Variants in NASP observed in about 807,000 individuals in gnomAD.
NASP encodes the protein NASP histone chaperone.
In NASP, 24 loss-of-function variants were observed where a neutral mutation model predicts 89.5. The observed-to-expected ratio is 0.27, with a 90% CI of 0.19 to 0.38. NASP has a LOEUF of 0.38. Ranked by LOEUF, NASP falls within the 10% of genes least tolerant of loss-of-function variation. The pLI is 1.00. For missense variants in NASP, 848 were observed against 921.4 expected, an observed-to-expected ratio of 0.92 and a Z score of 1.03; for synonymous variants, 306 against 324.7, an observed-to-expected ratio of 0.94 and a Z score of 0.62.
chr1:45,586,143 TATGTGCTGG>T (rs929187852), intron 1 of NASP, among the ~76,000 whole-genome samples: 1 of 151,546 alleles, frequency 6.6e-6, no homozygotes, highest in Non-Finnish European at 1.5e-5. Context: ...TGAGCAATTA[TATGTGCTGG>T]GTGTGTGGGG....
In NASP at chr1:45,607,143, C is replaced by G. The variant is rs907067565; in HGVS notation, c.410-178C>G. 4.7e-6 allele frequency: 3 copies of G among 636,272 alleles called. No individual in the cohort carries two copies. In the Admixed American group the frequency reaches 9.1e-5, roughly 19 times the overall value. The allele number at this position is 636,272 out of a possible 1,614,324, so 39.4% of individuals were successfully genotyped here. On this transcript the variant is annotated intron_variant, in intron 5 of 14. Transcript: ENST00000350030. ...CTTGGGTTTCTTTTGCAGTAAGTTGCTCTGCTAGCCGGGATGCTCCCTTTC... is the reference window on the plus strand; with the variant it reads ...CTTGGGTTTCTTTTGCAGTAAGTTGGTCTGCTAGCCGGGATGCTCCCTTTC...
At position 45,584,067 on chromosome 1, in the gene NASP, A is replaced by T; in HGVS notation, c.-80A>T. 1 of 1,354,244 alleles carries T rather than the reference A, an allele frequency of 7.4e-7. No homozygotes were observed. The highest frequency in any genetic ancestry group is 1.0e-6 in the Non-Finnish European group (1 of 973,802). The allele number at this position is 1,354,244 out of a possible 1,614,324, so 83.9% of individuals were successfully genotyped here. A position where few individuals can be genotyped will look rare whatever the true frequency, so the allele number is the denominator to read the frequency against. ...TCTAATCTGCCATTTTCTGTCCCTGAGTGAGTCTCTGGCGTCCCAAATTGC... is the reference window on the plus strand; with the variant it reads ...TCTAATCTGCCATTTTCTGTCCCTGTGTGAGTCTCTGGCGTCCCAAATTGC... On this transcript the variant is annotated 5_prime_UTR_variant, in exon 1 of 15. Transcript: ENST00000350030.
intron 2 of NASP, among the ~76,000 whole-genome samples, chr1:45,600,629 A>G (rs1643817540): frequency 6.6e-6 from 1 of 152,198 alleles, no homozygotes; most frequent in South Asian, 2.1e-4. Flanking sequence ...TTTGGCTTAC[A>G]AATAAAGCTG....
At position 45,616,714 on chromosome 1, in the gene NASP, A is replaced by T; in HGVS notation, c.2157+11A>T. 1 of 1,607,482 alleles carries T rather than the reference A, an allele frequency of 6.2e-7. No homozygotes were observed. The highest frequency in any genetic ancestry group is 8.5e-7 in the Non-Finnish European group (1 of 1,173,894). On this transcript the variant is annotated intron_variant, in intron 13 of 14. Coordinates refer to ENST00000350030, the MANE Select transcript of NASP (RefSeq NM_002482.4). The stretch of plus-strand genomic sequence containing the variant: ...CTTGTCAGAAAGAAGGTAAGTCTAC[A>T]TGTGGTGTTTCTTTTCTACCGTTTC...
chr1:45,617,330 G>A (rs1056155795), intron 13 of NASP, 133 bp from the exon 14 acceptor site: 1 of 1,044,398 alleles, frequency 9.6e-7, no homozygotes. Flanking sequence ...CCTGTGGCTA[G>A]GGAGAGAGAC....
At chr1:45,596,175 G>T (rs931852637) in intron 2 of NASP, among the ~76,000 whole-genome samples, 1 of 152,204 alleles carries the variant, frequency 6.6e-6, no homozygotes, top group Non-Finnish European at 1.5e-5. Context: ...AACTGCTGTT[G>T]TGAGACTGAC....
intron 5 of NASP, 125 bp from the exon 6 acceptor site, chr1:45,607,196 A>T: frequency 1.0e-6 from 1 of 964,862 alleles, no homozygotes; most frequent in Non-Finnish European, 1.5e-6. Context: ...GATAATTTTT[A>T]GGCCATCTGC....
intron 2 of NASP, among the ~76,000 whole-genome samples, chr1:45,592,409 A>G (rs193055642): frequency 3.9e-5 from 6 of 152,316 alleles, no homozygotes; most frequent in African/African-American, 1.4e-4. Context: ...TACCATGCCC[A>G]GCTGATTTTA....
At position 45,618,255 on chromosome 1, in the gene NASP, G is replaced by GC; in HGVS notation, c.*115dup. ...ATAAAGATTGTAAGCAAAGGTTGAG[G>GC]CTTTGATGGTTTTTTTCTTAATTAT... is the stretch of plus-strand genomic sequence containing the variant. On this transcript the variant is annotated 3_prime_UTR_variant, in exon 15 of 15. Coordinates refer to ENST00000350030, the MANE Select transcript of NASP (RefSeq NM_002482.4). 1 of 863,236 alleles carries GC rather than the reference G, an allele frequency of 1.2e-6. No individual in the cohort carries two copies. The highest frequency in any genetic ancestry group is 1.7e-5 in the South Asian group (1 of 59,298). 53.5% of individuals were successfully genotyped at this position (863,236 alleles called of 1,614,324 possible). A position where few individuals can be genotyped will look rare whatever the true frequency, so the allele number is the denominator to read the frequency against.
chr1:45,587,279 C>A (rs576888460), intron 1 of NASP, among the ~76,000 whole-genome samples: 1 of 151,874 alleles, frequency 6.6e-6, no homozygotes, highest in Non-Finnish European at 1.5e-5. Context: ...TCCGCCCTCC[C>A]GGATTCAAGC....
intron 1 of NASP, among the ~76,000 whole-genome samples, chr1:45,584,734 C>T (rs952207198): frequency 4.3e-4 from 65 of 152,158 alleles, no homozygotes; most frequent in African/African-American, 1.5e-3. Flanking sequence ...TCGCTTCCCT[C>T]GCCGGCCCTG....
intron 6 of NASP, among the ~76,000 whole-genome samples, chr1:45,608,688 G>A (rs1412622021): frequency 6.6e-6 from 1 of 152,150 alleles, no homozygotes; most frequent in Admixed American, 6.5e-5. Flanking sequence ...GGGAAATAGT[G>A]GGCTAGGCTG....
chr1:45,618,155 C>G lies in NASP; in HGVS notation c.*14C>G. 1 of 1,573,340 alleles carries G rather than the reference C, an allele frequency of 6.4e-7. No individual in the cohort carries two copies. On this transcript the variant is annotated 3_prime_UTR_variant, in exon 15 of 15. Coordinates refer to ENST00000350030, the MANE Select transcript of NASP (RefSeq NM_002482.4). Reference sequence around the variant, plus strand: ...ACTGCATGTTAAGAGGGGGCACAGCCCTCCTCCCAAGGGAAAGTGTTTTTG... The same window carrying G: ...ACTGCATGTTAAGAGGGGGCACAGCGCTCCTCCCAAGGGAAAGTGTTTTTG...
chr1:45,598,859 TC>T (rs1643762872), intron 2 of NASP, among the ~76,000 whole-genome samples: 1 of 151,992 alleles, frequency 6.6e-6, no homozygotes, highest in African/African-American at 2.4e-5. Flanking sequence ...GGGTAATAAT[TC>T]AATAACTTTA....
In NASP at chr1:45,616,380, C is replaced by G. The variant is rs145881643; in HGVS notation, c.2066C>G (p.Ser689Cys). 66 of 1,613,952 alleles carry G rather than the reference C, an allele frequency of 4.1e-5. No individual in the cohort carries two copies. The African/African-American group carries it at 7.2e-4, about 18-fold the overall frequency. Residue 689 changes from serine to cysteine, a missense_variant, in exon 12 of 15, where the codon TCT becomes TGT. By Grantham distance (112) the Ser-to-Cys change is moderately radical (BLOSUM62 -1). This residue lies in a region of NASP where 218 missense variants were observed against 219.6 expected (regional missense o/e 0.99). Transcript: ENST00000350030. ...GGTTTCACTCCTGGTGGAGGAGGCTCTTCAGTCTCCATGGTGCGTATTCAG... is the reference window on the plus strand; with the variant it reads ...GGTTTCACTCCTGGTGGAGGAGGCTGTTCAGTCTCCATGGTGCGTATTCAG... ...TSGFTPGGGG[S>C]SVSMIASRKP...
Position 45,614,166 on chromosome 1 carries a change from A to T in NASP, c.1577A>T (p.Lys526Met). ...ELAWDMLDLAKIIFKRQETKE... is the reference protein window; with the variant it reads ...ELAWDMLDLAMIIFKRQETKE... ...GCCTGGGATATGCTGGATTTAGCAA[A>T]GATCATTTTTAAAAGGTAAAACTCT... Residue 526 changes from lysine to methionine, a missense_variant, in exon 8 of 15, where the codon AAG becomes ATG. Physicochemically the swap from Lys to Met is moderately conservative, Grantham distance 95 (BLOSUM62 -1). Transcript: ENST00000350030. The T allele has an allele frequency of 6.2e-7, 1 of 1,612,418 alleles. No homozygotes were observed. Among genetic ancestry groups the T allele is most frequent in the Non-Finnish European group, 8.5e-7 (1 of 1,178,410 alleles).
intron 2 of NASP, among the ~76,000 whole-genome samples, 194 bp from the exon 3 acceptor site, chr1:45,602,061 C>T (rs1310098449): frequency 2.6e-5 from 4 of 152,076 alleles, no homozygotes; most frequent in Non-Finnish European, 4.4e-5. Context: ...TGAGAAAATA[C>T]TCTAGTCAGG....
At chr1:45,606,065 C>T (rs184012622) in intron 4 of NASP, among the ~76,000 whole-genome samples, 173 of 152,276 alleles carry the variant, frequency 1.1e-3, no homozygotes, top group South Asian at 3.1e-3. Context: ...CGTGAGCCAC[C>T]GTGCCTGGTC....
At chr1:45,600,170 C>G (rs1440939948) in intron 2 of NASP, among the ~76,000 whole-genome samples, 2 of 152,102 alleles carry the variant, frequency 1.3e-5, no homozygotes, top group Non-Finnish European at 2.9e-5. Context: ...GTCACTGACT[C>G]TTGCTCTTTT....
Sources: allele counts gnomAD v4.1 joint callset (sites outside exome capture counted in the v4.1 genomes callset), GRCh38; gene constraint gnomAD v4.1.1; regional missense constraint gnomAD v4.1.1; transcripts MANE v1.5; gene names NCBI Gene and HGNC (gene_info 2026-07-23, HGNC 2026-07-21).